NPHS1: variants seen among roughly 807,000 people sequenced by gnomAD.
The protein encoded by NPHS1 is nephrin.
In NPHS1, 107 loss-of-function variants were observed where a neutral mutation model predicts 139.7. That is an observed-to-expected ratio of 0.77 (90% CI 0.66 to 0.90). NPHS1 has a LOEUF of 0.90. NPHS1 is among the 40% of genes least tolerant of loss of function. The probability of loss-of-function intolerance (pLI) is 0.00; values close to 1 mark genes in which losing one functional copy is unlikely to be tolerated. For missense variants in NPHS1, 1,580 were observed against 1,654.2 expected, an observed-to-expected ratio of 0.96 and a Z score of 0.78; for synonymous variants, 707 against 706.6, an observed-to-expected ratio of 1.00 and a Z score of -0.01.
At chr19:35,837,729 A>G (rs1165195021) in intron 22 of NPHS1, among the ~76,000 whole-genome samples, 1 of 151,884 alleles carries the variant, frequency 6.6e-6, no homozygotes, top group African/African-American at 2.4e-5. Flanking sequence ...CAGCCTCCCA[A>G]GTAACTGGGA....
At position 35,844,398 on chromosome 19, in the gene NPHS1, C is replaced by A. The variant is rs528384785; in HGVS notation, c.1992G>T (p.Ala664=). The A allele has an allele frequency of 6.2e-7, 1 of 1,610,630 alleles. No individual in the cohort carries two copies. The highest frequency in any genetic ancestry group is 1.7e-5 in the Admixed American group (1 of 59,528). The change falls in exon 15 of 29, where the codon GCG becomes GCT. Residue 664 remains alanine (A), a synonymous_variant. Coordinates refer to ENST00000378910, the MANE Select transcript of NPHS1 (RefSeq NM_004646.4). ...TAGCGGACACGGACACGGGCAGCAA[C>A]GCCTCGCCCTGCTCCACCGCGGTCA... The part of the protein sequence containing the change: ...LVVTAVEQGE[A]LLPVSVSANP...
In NPHS1 at chr19:35,842,364, T is replaced by C; in HGVS notation, c.2506+15A>G. 1 of 1,613,368 alleles carries C rather than the reference T, an allele frequency of 6.2e-7. No homozygotes were observed. Among genetic ancestry groups the C allele is most frequent in the Non-Finnish European group, 8.5e-7 (1 of 1,179,930 alleles). On this transcript the variant is annotated intron_variant, in intron 18 of 28. Coordinates refer to ENST00000378910, the MANE Select transcript of NPHS1 (RefSeq NM_004646.4). ...AGTGGCAGGTCTTGAAGTCAGGTGT[T>C]TGGGTAATACCCACATCTGACAACA...
chr19:35,843,947 C>T, intron 16 of NPHS1, 156 bp downstream of exon 16: 1 of 1,033,684 alleles, frequency 9.7e-7, no homozygotes, highest in Non-Finnish European at 1.4e-6. Flanking sequence ...AGGGGTTCCG[C>T]AGTGGGCGTG....
chr19:35,826,454 G>T lies in NPHS1; in HGVS notation c.*60C>A. The stretch of plus-strand genomic sequence containing the variant: ...TAACCAGCTCGGCCCAGGCTGTAAT[G>T]AGAGAGACCAGTGGAGTGTAAATTC... On this transcript the variant is annotated 3_prime_UTR_variant, in exon 29 of 29. Transcript: ENST00000378910. 1 of 1,603,792 alleles carries T rather than the reference G, an allele frequency of 6.2e-7. No individual in the cohort carries two copies. The highest frequency in any genetic ancestry group is 8.5e-7 in the Non-Finnish European group (1 of 1,172,364).
At position 35,826,654 on chromosome 19, in the gene NPHS1, C is replaced by A. The variant is rs77309273; in HGVS notation, c.3595-9G>T. ...TGGAGGTCCCAGGGTCCCTGACAGGCAAAAAGTGGAGTTAGAACCATGGAG... is the reference window on the plus strand; with the variant it reads ...TGGAGGTCCCAGGGTCCCTGACAGGAAAAAAGTGGAGTTAGAACCATGGAG... On this transcript the variant is annotated splice_polypyrimidine_tract_variant and intron_variant, in intron 28 of 28. Transcript: ENST00000378910. The A allele has an allele frequency of 0.045, 73,056 of 1,613,580 alleles. 2,074 individuals are homozygous for A. Among genetic ancestry groups the A allele is most frequent in the Non-Finnish European group, 0.05 (58,931 of 1,179,672 alleles).
rs1973122097 is a variant in NPHS1, at chr19:35,845,416, C to T, written c.1882G>A (p.Ala628Thr). The change falls in exon 14 of 29, where the codon GCC (alanine) becomes ACC (threonine). Residue 628 changes from alanine (A) to threonine (T), a missense_variant. By Grantham distance (58) the Ala-to-Thr change is moderately conservative. Coordinates refer to ENST00000378910, the MANE Select transcript of NPHS1 (RefSeq NM_004646.4). This position sits in a 1 kb window ranked among gnomAD's most constrained non-coding sequence, Gnocchi z 5.5. ...GAGCTCACGGTTTCGCGGAGCTCGGCGCTGTGGGCGCGGCAGGTCACGCGC... is the reference window on the plus strand; with the variant it reads ...GAGCTCACGGTTTCGCGGAGCTCGGTGCTGTGGGCGCGGCAGGTCACGCGC... ...GQRVTCRAHS[A>T]ELRETVSSFY... The T allele has an allele frequency of 6.2e-7, 1 of 1,614,114 alleles. No individual in the cohort carries two copies. Among genetic ancestry groups the T allele is most frequent in the African/African-American group, 1.3e-5 (1 of 74,954 alleles).
intron 16 of NPHS1, chr19:35,843,890 G>C (rs1358117640): frequency 4.2e-6 from 3 of 715,090 alleles, no homozygotes; most frequent in Non-Finnish European, 6.8e-6. Context: ...GTGTCTAGGC[G>C]GGCACCCTCT....
At position 35,835,766 on chromosome 19, in the gene NPHS1, G is replaced by T. The variant is rs190769116; in HGVS notation, c.3110-5C>A. The T allele has an allele frequency of 1.2e-6, 2 of 1,613,194 alleles. No homozygotes were observed. The highest frequency in any genetic ancestry group is 1.7e-6 in the Non-Finnish European group (2 of 1,179,392). On this transcript the variant is annotated splice_polypyrimidine_tract_variant and splice_region_variant and intron_variant, in intron 22 of 28. Transcript: ENST00000378910. ...CTCCAGAAGGCTGGTGGAGACCTGG[G>T]GGGTGGATATACAGATTGTGACTTA...
chr19:35,848,060 G>A lies in NPHS1; in HGVS notation c.1421C>T (p.Pro474Leu). The A allele has an allele frequency of 6.2e-7, 1 of 1,613,886 alleles. No individual in the cohort carries two copies. The highest frequency in any genetic ancestry group is 8.5e-7 in the Non-Finnish European group (1 of 1,180,024). Residue 474 changes from proline to leucine, a missense_variant, in exon 11 of 29, where the codon CCC (proline) becomes CTC (leucine). Pro to Leu is a moderately conservative substitution (Grantham distance 98). Transcript: ENST00000378910. ...VCLAIGGNPEPSLMWYKDSRT... is the reference protein window; with the variant it reads ...VCLAIGGNPELSLMWYKDSRT... ...ACCAACCTTGTACCACATGAGGGAG[G>A]GCTCTGGGTTGCCCCCGATAGCCAA...
In NPHS1 at chr19:35,848,739, G is replaced by A. The variant is rs377066855; in HGVS notation, c.1068C>T (p.Asn356=). Residue 356 remains asparagine, a synonymous_variant, in exon 9 of 29, where the codon AAC becomes AAT. Transcript: ENST00000378910. ...ACTTGCTGACACAGGAGAGTGTCAC[G>A]TTCTTGTTCTCAGTCTGGGATGCAG... The part of the protein sequence containing the change: ...LGSASQTENK[N]VTLSCVSKSS... 5.1e-5 allele frequency: 82 copies of A among 1,614,034 alleles called. No homozygotes were observed. Among genetic ancestry groups the A allele is most frequent in the Admixed American group, 1.0e-4 (6 of 60,000 alleles).
rs942947057 is a variant in NPHS1 at position 35,828,104 on chromosome 19, A to T, written c.3595-1459T>A. Among the ~76,000 whole-genome samples, 32 of 152,142 alleles carry T rather than the reference A, an allele frequency of 2.1e-4. 1 individual carries two copies. The highest frequency in any genetic ancestry group is 5.9e-5 in the Non-Finnish European group (4 of 68,028). On this transcript the variant is annotated intron_variant, in intron 28 of 28. Coordinates refer to ENST00000378910, the MANE Select transcript of NPHS1 (RefSeq NM_004646.4). ...AACAACAACAACAAAAAGAACATGA[A>T]TGGTAGCCCTAACTGGGGATGTATT...
intron 4 of NPHS1, 56 bp downstream of exon 4, chr19:35,850,905 C>T: frequency 6.2e-7 from 1 of 1,607,180 alleles, no homozygotes; most frequent in East Asian, 2.2e-5. Context: ...AACACACACC[C>T]TTCCCACTCC....
chr19:35,851,326 G>A lies in NPHS1; in HGVS notation c.333C>T (p.Cys111=), dbSNP rs755089331. The change falls in exon 3 of 29, where the codon TGC becomes TGT. Residue 111 remains cysteine, a synonymous_variant. Coordinates refer to ENST00000378910, the MANE Select transcript of NPHS1 (RefSeq NM_004646.4). ...CDLSDDAEYE[C]QVGRSEMGPE... ...GCCCCATCTCAGAGCGGCCGACCTG[G>A]CACTCATACTCCGCGTCATCGCTGA... 8.7e-6 allele frequency: 14 copies of A among 1,613,772 alleles called. No homozygotes were observed. The East Asian group carries it at 1.1e-4, about 13-fold the overall frequency.
At chr19:35,828,400 G>T (rs922775176) in intron 28 of NPHS1, among the ~76,000 whole-genome samples, 2 of 152,076 alleles carry the variant, frequency 1.3e-5, no homozygotes, top group African/African-American at 4.8e-5. Context: ...GAGTAGGTGG[G>T]ACTACAGGCG....
At chr19:35,830,551 A>G (rs1256382190) in intron 28 of NPHS1, among the ~76,000 whole-genome samples, 2 of 152,228 alleles carry the variant, frequency 1.3e-5, no homozygotes, top group Non-Finnish European at 2.9e-5. Flanking sequence ...CTGAGACTAC[A>G]GGTGCACACC....
chr19:35,849,664 A>G lies in NPHS1; in HGVS notation c.609-11T>C, dbSNP rs764603041. ...CTCCGGGGTGTCACCCTGGGATGAG[A>G]AGTCAGGGTTATAGAGTCAGAGTCA... On this transcript the variant is annotated splice_polypyrimidine_tract_variant and intron_variant, in intron 5 of 28. Coordinates refer to ENST00000378910, the MANE Select transcript of NPHS1 (RefSeq NM_004646.4). The G allele has an allele frequency of 3.1e-6, 5 of 1,600,918 alleles. No homozygotes were observed. The South Asian group carries it at 4.4e-5, about 14-fold the overall frequency.
At chr19:35,850,583 T>G in intron 4 of NPHS1, 138 bp from the exon 5 acceptor site, 1 of 788,762 alleles carries the variant, frequency 1.3e-6, no homozygotes, top group African/African-American at 1.7e-5. Context: ...GGGGCAGAGC[T>G]GCATCCCCTC....
In NPHS1 at chr19:35,842,431, C is replaced by T; in HGVS notation, c.2454G>A (p.Val818=). The change falls in exon 18 of 29, where the codon GTG becomes GTA. Residue 818 remains valine (V), a synonymous_variant. Coordinates refer to ENST00000378910, the MANE Select transcript of NPHS1 (RefSeq NM_004646.4). ...GTGCTGGAGGCGCCACCCCATTGTC[C>T]ACAATGCACTGGTAAGCGCCAGCCT... is the stretch of plus-strand genomic sequence containing the variant. ...LAQAGAYQCI[V]DNGVAPPARR... 6.2e-7 allele frequency: 1 copy of T among 1,614,152 alleles called. No individual in the cohort carries two copies.
At position 35,842,128 on chromosome 19, in the gene NPHS1, G is replaced by C. The variant is rs1973065881; in HGVS notation, c.2659C>G (p.Pro887Ala). Residue 887 changes from proline (P) to alanine (A), a missense_variant, in exon 19 of 29, where the codon CCC becomes GCC. Physicochemically the swap from Pro to Ala is conservative, Grantham distance 27. Transcript: ENST00000378910. ...CCTGGCTGGGCTTGGGCTCACCTGG[G>C]ATCTTGGAGATCCAGAGGGACCCCG... ...KNGVPLDLQD[P>A]RYTEHTYHQG... 1 of 1,603,808 alleles carries C rather than the reference G, an allele frequency of 6.2e-7. No individual in the cohort carries two copies. The highest frequency in any genetic ancestry group is 1.7e-5 in the Admixed American group (1 of 57,596).
Sources: allele counts gnomAD v4.1 joint callset (sites outside exome capture counted in the v4.1 genomes callset), GRCh38; gene constraint gnomAD v4.1.1; non-coding constraint Gnocchi (gnomAD v3.1); transcripts MANE v1.5; gene names NCBI Gene and HGNC (gene_info 2026-07-23, HGNC 2026-07-21).